Variants in OR2AG2 observed in about 807,000 individuals in gnomAD.
The protein encoded by OR2AG2 is olfactory receptor 2AG2.
For synonymous variants in OR2AG2, 167 were observed against 157.1 expected, an observed-to-expected ratio of 1.06 and a Z score of -0.47; for missense variants, 390 against 391.9, an observed-to-expected ratio of 1.00 and a Z score of 0.04.
rs1050045643 is a variant in OR2AG2 at position 6,769,950 on chromosome 11, C to T, written c.-537-456G>A. Among the ~76,000 whole-genome samples, 14 of 152,092 alleles carry T rather than the reference C, an allele frequency of 9.2e-5. No individual in the cohort carries two copies. In the East Asian group the frequency reaches 2.1e-3, roughly 23 times the overall value. ...TTTGTGAATGCAGTTTTTTCACAGT[C>T]GGATGGAAGACTTAGGAGGCCTTTT... is the stretch of plus-strand genomic sequence containing the variant. On this transcript the variant is annotated intron_variant, in intron 1 of 1. Transcript: ENST00000641124.
chr11:6,769,703 A>G (rs904287093), intron 1 of OR2AG2, among the ~76,000 whole-genome samples: 2 of 152,210 alleles, frequency 1.3e-5, no homozygotes, highest in Non-Finnish European at 2.9e-5. Flanking sequence ...TGAGCTACAA[A>G]GGAGGAGACA....
intron 1 of OR2AG2, among the ~76,000 whole-genome samples, 181 bp from the exon 2 acceptor site, chr11:6,769,675 G>A (rs1247379904): frequency 1.3e-5 from 2 of 152,152 alleles, no homozygotes; most frequent in African/African-American, 4.8e-5. Context: ...TTGTGTTTAG[G>A]GCACATGATA....
rs1442306283 is a variant in OR2AG2 at position 6,768,329 on chromosome 11, G to C, written c.629C>G (p.Pro210Arg). 6 of 1,613,964 alleles carry C rather than the reference G, an allele frequency of 3.7e-6. No individual in the cohort carries two copies. The highest frequency in any genetic ancestry group is 5.1e-6 in the Non-Finnish European group (6 of 1,179,958). Residue 210 changes from proline (P) to arginine (R), a missense_variant, in exon 2 of 2, where the codon CCC (proline) becomes CGC (arginine). Pro to Arg is a moderately radical substitution (Grantham distance 103). Transcript: ENST00000641124. ...GTAGGAGGCCACAATGGCAGAAATG[G>C]GGAGCAAGAGGAAAGTCACACCTGT... ...YVTGVTFLLLPISAIVASYTL... is the reference protein window; with the variant it reads ...YVTGVTFLLLRISAIVASYTL...
intron 1 of OR2AG2, among the ~76,000 whole-genome samples, chr11:6,770,325 A>G (rs1847435093): frequency 6.6e-6 from 1 of 152,156 alleles, no homozygotes; most frequent in Non-Finnish European, 1.5e-5. Context: ...GAAAGGATTC[A>G]CCAAGGAAGT....
In OR2AG2 at chr11:6,768,184, C is replaced by G; in HGVS notation, c.774G>C (p.Met258Ile). ...VGMFYGAATF[M>I]YVLPSSFHSP... is the part of the protein sequence containing the mutation. Reference sequence around the variant, plus strand: ...TGTGGAAGGAACTGGGCAAGACATACATGAATGTGGCAGCTCCATAGAACA... The same window carrying G: ...TGTGGAAGGAACTGGGCAAGACATAGATGAATGTGGCAGCTCCATAGAACA... Residue 258 changes from methionine (M) to isoleucine (I), a missense_variant, in exon 2 of 2, where the codon ATG becomes ATC. Coordinates refer to ENST00000641124, the MANE Select transcript of OR2AG2 (RefSeq NM_001004490.2). The G allele has an allele frequency of 6.2e-7, 1 of 1,614,154 alleles. No homozygotes were observed. Among genetic ancestry groups the G allele is most frequent in the Non-Finnish European group, 8.5e-7 (1 of 1,180,030 alleles).
chr11:6,767,937 G>T lies in OR2AG2; in HGVS notation c.*70C>A. 7.9e-7 allele frequency: 1 copy of T among 1,262,932 alleles called. No individual in the cohort carries two copies. Among genetic ancestry groups the T allele is most frequent in the Non-Finnish European group, 1.1e-6 (1 of 906,788 alleles). 78.2% of individuals were successfully genotyped at this position (1,262,932 alleles called of 1,614,324 possible). A position where few individuals can be genotyped will look rare whatever the true frequency, so the allele number is the denominator to read the frequency against. ...AATGAGTGAGTAGAGAATTTTATTT[G>T]GAGCAGGAATGAGTGAGTAGAGAAT... On this transcript the variant is annotated 3_prime_UTR_variant, in exon 2 of 2. Coordinates refer to ENST00000641124, the MANE Select transcript of OR2AG2 (RefSeq NM_001004490.2).
chr11:6,769,194 G>T lies in OR2AG2; in HGVS notation c.-237C>A, dbSNP rs1847418555. ...ACATGTTGTTAATAGTAATCATTTAGAAATCCCTTCAAATAAGGTATCCTG... is the reference window on the plus strand; with the variant it reads ...ACATGTTGTTAATAGTAATCATTTATAAATCCCTTCAAATAAGGTATCCTG... On this transcript the variant is annotated 5_prime_UTR_variant, in exon 2 of 2. Coordinates refer to ENST00000641124, the MANE Select transcript of OR2AG2 (RefSeq NM_001004490.2). The T allele has an allele frequency of 2.2e-6, 1 of 456,130 alleles. No individual in the cohort carries two copies. The highest frequency in any genetic ancestry group is 2.0e-5 in the African/African-American group (1 of 51,244). 28.3% of individuals were successfully genotyped at this position (456,130 alleles called of 1,614,324 possible).
At chr11:6,769,803 G>A (rs1336065632) in intron 1 of OR2AG2, among the ~76,000 whole-genome samples, 1 of 152,100 alleles carries the variant, frequency 6.6e-6, no homozygotes, top group Non-Finnish European at 1.5e-5. Context: ...CAAATCTTAG[G>A]AATACAAGGA....
chr11:6,769,070 TC>T lies in OR2AG2; in HGVS notation c.-114del. 1.5e-6 allele frequency: 1 copy of T among 646,568 alleles called. No homozygotes were observed. The highest frequency in any genetic ancestry group is 2.6e-6 in the Non-Finnish European group (1 of 382,346). The allele number at this position is 646,568 out of a possible 1,614,324, so 40.1% of individuals were successfully genotyped here. A position where few individuals can be genotyped will look rare whatever the true frequency, so the allele number is the denominator to read the frequency against. On this transcript the variant is annotated 5_prime_UTR_variant, in exon 2 of 2. An upstream open reading frame in the 5' UTR gains an earlier in-frame stop. Transcript: ENST00000641124. ...GTCACTGTGCATTGGCCAATAGGAA[TC>T]CCATAATATGATATATTTTCCATTT...
rs1021161090 is a variant in OR2AG2 at position 6,766,989 on chromosome 11, C to A, written c.*1018G>T. The A allele has an allele frequency of 2.6e-5, 4 of 152,128 alleles. 1 individual carries two copies. The highest frequency in any genetic ancestry group is 9.7e-5 in the African/African-American group (4 of 41,428). The allele number at this position is 152,128 out of a possible 1,614,324, so 9.4% of individuals were successfully genotyped here. A position where few individuals can be genotyped will look rare whatever the true frequency, so the allele number is the denominator to read the frequency against. On this transcript the variant is annotated 3_prime_UTR_variant, in exon 2 of 2. Coordinates refer to ENST00000641124, the MANE Select transcript of OR2AG2 (RefSeq NM_001004490.2). The stretch of plus-strand genomic sequence containing the variant: ...TCTTTATTTTAGTTTTAATTTTAGG[C>A]AATGTAAAAATGCCCATTTTCAAAA...
Position 6,769,088 on chromosome 11 carries a change from T to G in OR2AG2, c.-131A>C. ...ATAGGAATCCCATAATATGATATAT[T>G]TTCCATTTCTTAGTATGCCTCTGAT... On this transcript the variant is annotated 5_prime_UTR_variant, in exon 2 of 2. Coordinates refer to ENST00000641124, the MANE Select transcript of OR2AG2 (RefSeq NM_001004490.2). 1 of 603,776 alleles carries G rather than the reference T, an allele frequency of 1.7e-6. No homozygotes were observed. The highest frequency in any genetic ancestry group is 2.8e-6 in the Non-Finnish European group (1 of 353,148). 37.4% of individuals were successfully genotyped at this position (603,776 alleles called of 1,614,324 possible).
intron 1 of OR2AG2, among the ~76,000 whole-genome samples, chr11:6,771,313 C>A (rs1455368763): frequency 6.6e-6 from 1 of 152,172 alleles, no homozygotes; most frequent in Non-Finnish European, 1.5e-5. Flanking sequence ...TTTGGGGACT[C>A]ACATCAAACT....
intron 1 of OR2AG2, 115 bp downstream of exon 1, chr11:6,771,507 C>A (rs1410081097): frequency 6.6e-6 from 1 of 152,234 alleles, no homozygotes; most frequent in African/African-American, 2.4e-5. Context: ...GTGAGTGAAT[C>A]ATAAAGCCTG....
rs142560008 is a variant in OR2AG2, at chr11:6,768,757, A to G, written c.201T>C (p.Ser67=). 5 of 1,613,992 alleles carry G rather than the reference A, an allele frequency of 3.1e-6. No homozygotes were observed. Among genetic ancestry groups the G allele is most frequent in the Non-Finnish European group, 4.2e-6 (5 of 1,180,014 alleles). The part of the protein sequence containing the change: ...MPMYLLLGQL[S]LMDLLFTSVV... ...CAGATGTGAACAGGAGGTCCATGAG[A>G]GAGAGCTGCCCAAGCAGGAGGTACA... The change falls in exon 2 of 2, where the codon TCT becomes TCC. Residue 67 remains serine, a synonymous_variant. Transcript: ENST00000641124.
chr11:6,769,066 G>C lies in OR2AG2; in HGVS notation c.-109C>G, dbSNP rs932379440. On this transcript the variant is annotated 5_prime_UTR_variant, in exon 2 of 2. Transcript: ENST00000641124. ...CTAGGTCACTGTGCATTGGCCAATA[G>C]GAATCCCATAATATGATATATTTTC... is the stretch of plus-strand genomic sequence containing the variant. The C allele has an allele frequency of 1.5e-6, 1 of 672,550 alleles. No individual in the cohort carries two copies. The highest frequency in any genetic ancestry group is 2.5e-6 in the Non-Finnish European group (1 of 400,800). 41.7% of individuals were successfully genotyped at this position (672,550 alleles called of 1,614,324 possible).
rs73401331 is a variant in OR2AG2 at position 6,765,924 on chromosome 11, A to C, written c.*2083T>G. ...GATTTAGCAATTCCATAAAGTATAC[A>C]TATTTCAAAACATCATGTTTTACTA... On this transcript the variant is annotated 3_prime_UTR_variant, in exon 2 of 2. Coordinates refer to ENST00000641124, the MANE Select transcript of OR2AG2 (RefSeq NM_001004490.2). The C allele has an allele frequency of 6.6e-6, 1 of 152,188 alleles. No individual in the cohort carries two copies. The highest frequency in any genetic ancestry group is 2.4e-5 in the African/African-American group (1 of 41,468). 9.4% of individuals were successfully genotyped at this position (152,188 alleles called of 1,614,324 possible).
At chr11:6,771,382 G>T (rs948964602) in intron 1 of OR2AG2, among the ~76,000 whole-genome samples, 1 of 152,136 alleles carries the variant, frequency 6.6e-6, no homozygotes, top group African/African-American at 2.4e-5. Flanking sequence ...TTTACCAGGA[G>T]GCCATCATCA....
rs139008275 is a variant in OR2AG2 at position 6,768,227 on chromosome 11, T to C, written c.731A>G (p.His244Arg). The C allele has an allele frequency of 2.5e-5, 41 of 1,613,864 alleles. No individual in the cohort carries two copies. The highest frequency in any genetic ancestry group is 3.3e-5 in the Non-Finnish European group (39 of 1,179,990). ...ATAGAACATCCCGACCACAATCAGG[T>C]GGGAAGAGCAGGTGACAAGGGCTTT... ...RKKALVTCSS[H>R]LIVVGMFYGA... The change falls in exon 2 of 2, where the codon CAC becomes CGC. Residue 244 changes from histidine (H) to arginine (R), a missense_variant. Coordinates refer to ENST00000641124, the MANE Select transcript of OR2AG2 (RefSeq NM_001004490.2).
In OR2AG2 at chr11:6,767,709, C is replaced by G; in HGVS notation, c.*298G>C. ...ATGTCTACTTGGTAATGTGTCAGGA[C>G]GATGCCTACCACAGAGTGAGTCTAC... On this transcript the variant is annotated 3_prime_UTR_variant, in exon 2 of 2. Transcript: ENST00000641124. 2.8e-6 allele frequency: 1 copy of G among 356,504 alleles called. No individual in the cohort carries two copies. Among genetic ancestry groups the G allele is most frequent in the Non-Finnish European group, 5.0e-6 (1 of 198,026 alleles). The allele number at this position is 356,504 out of a possible 1,614,324, so 22.1% of individuals were successfully genotyped here. A position where few individuals can be genotyped will look rare whatever the true frequency, so the allele number is the denominator to read the frequency against.
Sources: gnomAD v4.1 joint callset for allele counts (sites outside exome capture counted in the v4.1 genomes callset) on GRCh38, gnomAD v4.1.1 for gene constraint, MANE v1.5 for transcripts, NCBI Gene and HGNC (gene_info 2026-07-23, HGNC 2026-07-21) for gene names.